The following LMO4 variants were observed in gnomAD, a reference collection of about 807,000 sequenced individuals.
LMO4 encodes the protein LIM domain transcription factor LMO4.
Under a neutral mutation model 18.5 loss-of-function variants are expected in LMO4, and 3 were observed. The observed-to-expected ratio is 0.16, with a 90% CI of 0.07 to 0.42. LMO4 has a LOEUF of 0.42. LMO4 is among the 10% of genes least tolerant of loss of function. LMO4 has a pLI of 0.99. For missense variants in LMO4, 121 were observed against 219.9 expected, an observed-to-expected ratio of 0.55 and a Z score of 2.84; for synonymous variants, 100 against 88.1, an observed-to-expected ratio of 1.14 and a Z score of -0.76.
At position 87,340,343 on chromosome 1, in the gene LMO4, A is replaced by T. The variant is rs563177740; in HGVS notation, c.489+141A>T. ...AATGTAGATTACTAGTTGTACATAG[A>T]GTGTTCAGAAGTAGGATAGCTGATT... On this transcript the variant is annotated intron_variant, in intron 4 of 4. Transcript: ENST00000370544. 109 of 670,692 alleles carry T rather than the reference A, an allele frequency of 1.6e-4. 2 individuals are homozygous for T. In the South Asian group the frequency reaches 2.6e-3, roughly 16 times the overall value. The allele number at this position is 670,692 out of a possible 1,614,324, so 41.5% of individuals were successfully genotyped here. A position where few individuals can be genotyped will look rare whatever the true frequency, so the allele number is the denominator to read the frequency against.
rs1460025591 is a variant in LMO4 at position 87,348,759 on chromosome 1, C to T, written c.*3963C>T. ...TATGCTAGTAGATATGTGCATGTTT[C>T]CTAGAGGGAATGTTTTCAAGTTCAG... On this transcript the variant is annotated 3_prime_UTR_variant, in exon 5 of 5. Transcript: ENST00000370544. The T allele has an allele frequency of 1.9e-6, 1 of 516,248 alleles. No homozygotes were observed. The highest frequency in any genetic ancestry group is 2.0e-5 in the Admixed American group (1 of 51,098). The allele number at this position is 516,248 out of a possible 1,614,324, so 32.0% of individuals were successfully genotyped here. A position where few individuals can be genotyped will look rare whatever the true frequency, so the allele number is the denominator to read the frequency against.
At chr1:87,340,833 A>G (rs1047738568) in intron 4 of LMO4, among the ~76,000 whole-genome samples, 2 of 152,216 alleles carry the variant, frequency 1.3e-5, no homozygotes, top group Non-Finnish European at 2.9e-5. Context: ...GCCATTAGAA[A>G]TTATGTATCT....
At chr1:87,340,434 G>A (rs1650445147) in intron 4 of LMO4, among the ~76,000 whole-genome samples, 1 of 152,098 alleles carries the variant, frequency 6.6e-6, no homozygotes, top group Non-Finnish European at 1.5e-5. Flanking sequence ...CTTCACTCAC[G>A]TTGAACATAA....
intron 2 of LMO4, among the ~76,000 whole-genome samples, chr1:87,336,047 C>G (rs1650301940): frequency 6.6e-6 from 1 of 151,988 alleles, no homozygotes; most frequent in Non-Finnish European, 1.5e-5. Context: ...TCCTATTATG[C>G]ACAGCCCCCC....
At chr1:87,337,640 CTT>C (rs1437191847) in intron 2 of LMO4, among the ~76,000 whole-genome samples, 1 of 152,156 alleles carries the variant, frequency 6.6e-6, no homozygotes, top group Non-Finnish European at 1.5e-5. Flanking sequence ...TGGTTTTTAA[CTT>C]TATTTTTACC....
chr1:87,343,613 A>G (rs985781456), intron 4 of LMO4, among the ~76,000 whole-genome samples: 2 of 152,158 alleles, frequency 1.3e-5, no homozygotes, highest in African/African-American at 2.4e-5. Flanking sequence ...TCTAGTCTAC[A>G]TGTCACTTCG....
Position 87,346,930 on chromosome 1 carries a change from G to A in LMO4, c.*2134G>A, listed in dbSNP as rs1046901543. ...ATGGTAAAGGGGGAAATGGGTTAAT[G>A]AGATTGCAGGCATTTTCTATATTCT... On this transcript the variant is annotated 3_prime_UTR_variant, in exon 5 of 5. Transcript: ENST00000370544. 4 of 152,182 alleles carry A rather than the reference G, an allele frequency of 2.6e-5. No individual in the cohort carries two copies. Among genetic ancestry groups the A allele is most frequent in the East Asian group, 1.9e-4 (1 of 5,196 alleles). 9.4% of individuals were successfully genotyped at this position (152,182 alleles called of 1,614,324 possible).
intron 1 of LMO4, among the ~76,000 whole-genome samples, chr1:87,329,840 T>C (rs1650081978): frequency 6.6e-6 from 1 of 152,146 alleles, no homozygotes; most frequent in African/African-American, 2.4e-5. Context: ...GTTACGTTTG[T>C]CCCTCCCTTG....
intron 1 of LMO4, among the ~76,000 whole-genome samples, chr1:87,330,929 T>C (rs1650120163): frequency 6.6e-6 from 1 of 152,190 alleles, no homozygotes. Flanking sequence ...TATATCCCAG[T>C]TGCATCTCTT....
chr1:87,344,896 A>G lies in LMO4; in HGVS notation c.*100A>G, dbSNP rs1650586028. The G allele has an allele frequency of 4.3e-6, 5 of 1,172,596 alleles. No homozygotes were observed. Among genetic ancestry groups the G allele is most frequent in the Non-Finnish European group, 6.4e-6 (5 of 781,626 alleles). 72.6% of individuals were successfully genotyped at this position (1,172,596 alleles called of 1,614,324 possible). On this transcript the variant is annotated 3_prime_UTR_variant, in exon 5 of 5. Coordinates refer to ENST00000370544, the MANE Select transcript of LMO4 (RefSeq NM_006769.4). ...TAGACAAGTCACCTTTGTAGCTAGC[A>G]CCAGTGCCAGCTCCATGCCATTGCA... is the stretch of plus-strand genomic sequence containing the variant.
chr1:87,329,916 C>T (rs942366139), intron 1 of LMO4, among the ~76,000 whole-genome samples: 2 of 151,942 alleles, frequency 1.3e-5, no homozygotes, highest in Non-Finnish European at 2.9e-5. Context: ...GCTGCCAGTT[C>T]TGCTTTCTAT....
chr1:87,335,492 G>C (rs1316975084), intron 2 of LMO4, among the ~76,000 whole-genome samples: 1 of 151,922 alleles, frequency 6.6e-6, no homozygotes, highest in Non-Finnish European at 1.5e-5. Context: ...CCGGGCGAGC[G>C]GGTCGCGCTT....
Position 87,330,332 on chromosome 1 carries a change from C to G in LMO4, c.-4+1088C>G, listed in dbSNP as rs538995880. On this transcript the variant is annotated intron_variant, in intron 1 of 4. Coordinates refer to ENST00000370544, the MANE Select transcript of LMO4 (RefSeq NM_006769.4). ...ACGTTGGGGGAAACAGTTTAAAGAT[C>G]TAGGGCAGGAAATGCAGATTCATTT... Among the ~76,000 whole-genome samples the G allele has an allele frequency of 2.0e-5, 3 of 152,202 alleles. No homozygotes were observed. The South Asian group carries it at 6.2e-4, about 32-fold the overall frequency.
chr1:87,341,308 G>A (rs1272157303), intron 4 of LMO4, among the ~76,000 whole-genome samples: 1 of 152,108 alleles, frequency 6.6e-6, no homozygotes, highest in African/African-American at 2.4e-5. Flanking sequence ...AGCTCTGATA[G>A]TATGTTTGAC....
intron 4 of LMO4, among the ~76,000 whole-genome samples, 186 bp downstream of exon 4, chr1:87,340,388 G>GT (rs1360177617): frequency 6.6e-6 from 1 of 151,692 alleles, no homozygotes; most frequent in Non-Finnish European, 1.5e-5. Flanking sequence ...ATCCTTTCTA[G>GT]TTAAAAAAAA....
In LMO4 at chr1:87,348,589, G is replaced by GGGT; in HGVS notation, c.*3794_*3796dup. The GGGT allele has an allele frequency of 2.3e-6, 1 of 429,106 alleles. No homozygotes were observed. Among genetic ancestry groups the GGGT allele is most frequent in the South Asian group, 1.7e-5 (1 of 59,686 alleles). The allele number at this position is 429,106 out of a possible 1,614,324, so 26.6% of individuals were successfully genotyped here. On this transcript the variant is annotated 3_prime_UTR_variant, in exon 5 of 5. Coordinates refer to ENST00000370544, the MANE Select transcript of LMO4 (RefSeq NM_006769.4). ...AAAGTGTAGCACATTCGCCGATGCT[G>GGGT]GGTACCTAGTTAAAGAGGCATTTGT...
chr1:87,331,942 C>T (rs1483371379), intron 1 of LMO4, 71 bp from the exon 2 acceptor site: 2 of 1,263,320 alleles, frequency 1.6e-6, no homozygotes, highest in Non-Finnish European at 2.3e-6. Context: ...TGCTCTCTCT[C>T]CGGCGATTAC....
intron 1 of LMO4, chr1:87,331,772 A>C: frequency 1.9e-6 from 1 of 524,334 alleles, no homozygotes; most frequent in Non-Finnish European, 3.4e-6. Context: ...AAGCGCAGGA[A>C]AGTTGAGAGG....
At position 87,329,454 on chromosome 1, in the gene LMO4, G is replaced by A. The variant is rs187222036; in HGVS notation, c.-4+210G>A. Among the ~76,000 whole-genome samples the A allele has an allele frequency of 3.7e-3, 557 of 152,302 alleles. 5 individuals are homozygous for A. The highest frequency in any genetic ancestry group is 0.011 in the African/African-American group (451 of 41,570). On this transcript the variant is annotated intron_variant, in intron 1 of 4. Coordinates refer to ENST00000370544, the MANE Select transcript of LMO4 (RefSeq NM_006769.4). ...AGGGCAGCCCCGGGCCGCCAGCTTT[G>A]TAGCGGTTCCTGCTTACAAAAGGGC... is the stretch of plus-strand genomic sequence containing the variant.
Sources: gnomAD v4.1 joint callset for allele counts (sites outside exome capture counted in the v4.1 genomes callset) on GRCh38, gnomAD v4.1.1 for gene constraint, MANE v1.5 for transcripts, NCBI Gene and HGNC (gene_info 2026-07-23, HGNC 2026-07-21) for gene names.